The following RSL1D1 variants were observed in gnomAD, a reference collection of about 807,000 sequenced individuals.
RSL1D1 encodes ribosomal L1 domain-containing protein 1.
RSL1D1 carries 34 observed loss-of-function variants against 44.6 expected under a neutral mutation model. The ratio of observed to expected loss-of-function variants is 0.76; its 90% CI spans 0.58 to 1.02. The LOEUF (loss-of-function observed/expected upper bound fraction) is 1.02, where lower values mean the gene tolerates loss of function less well. Among genes scored for constraint, RSL1D1 ranks in the 50% least tolerant of loss-of-function variants. RSL1D1 has a pLI of 0.00. For synonymous variants in RSL1D1, 271 were observed against 207.4 expected, an observed-to-expected ratio of 1.31 and a Z score of -2.63; for missense variants, 767 against 568.1, an observed-to-expected ratio of 1.35 and a Z score of -3.56.
intron 3 of RSL1D1, 134 bp from the exon 4 acceptor site, chr16:11,846,977 G>A: frequency 1.3e-6 from 1 of 758,732 alleles, no homozygotes; most frequent in Non-Finnish European, 2.1e-6. Context: ...GAACACTTGA[G>A]GGCCTAAAAT....
At chr16:11,848,163 T>G (rs753285781) in intron 2 of RSL1D1, among the ~76,000 whole-genome samples, 4 of 151,878 alleles carry the variant, frequency 2.6e-5, no homozygotes, top group Non-Finnish European at 5.9e-5. Flanking sequence ...TGAGGCAGGA[T>G]AATCGCTTCA....
intron 7 of RSL1D1, 89 bp from the exon 8 acceptor site, chr16:11,840,074 T>C (rs2053754719): frequency 5.9e-6 from 9 of 1,531,520 alleles, no homozygotes; most frequent in African/African-American, 1.4e-5. Flanking sequence ...GTTTTGATTA[T>C]CCATAAGCCC....
intron 5 of RSL1D1, among the ~76,000 whole-genome samples, chr16:11,842,393 ATATTT>A (rs2053769390): frequency 6.6e-6 from 1 of 152,172 alleles, no homozygotes; most frequent in Admixed American, 6.6e-5. Context: ...GGTTCTAAAT[ATATTT>A]TATTTCATTT....
At position 11,834,515 on chromosome 16, in the gene RSL1D1, T is replaced by C. The variant is rs2053703757; in HGVS notation, c.*3272A>G. 1.3e-5 allele frequency: 2 copies of C among 152,210 alleles called. No individual in the cohort carries two copies. Among genetic ancestry groups the C allele is most frequent in the Admixed American group, 1.3e-4 (2 of 15,278 alleles). The allele number at this position is 152,210 out of a possible 1,614,324, so 9.4% of individuals were successfully genotyped here. A position where few individuals can be genotyped will look rare whatever the true frequency, so the allele number is the denominator to read the frequency against. On this transcript the variant is annotated 3_prime_UTR_variant, in exon 9 of 9. Coordinates refer to ENST00000571133, the MANE Select transcript of RSL1D1 (RefSeq NM_015659.3). Reference sequence around the variant, plus strand: ...CAGTGTTGCAAGATCTTGAACTGACTAGATGATAGGATTACAAAAACCACA... The same window carrying C: ...CAGTGTTGCAAGATCTTGAACTGACCAGATGATAGGATTACAAAAACCACA...
In RSL1D1 at chr16:11,834,723, T is replaced by C. The variant is rs770301186; in HGVS notation, c.*3064A>G. 6.6e-6 allele frequency: 1 copy of C among 152,236 alleles called. No homozygotes were observed. Among genetic ancestry groups the C allele is most frequent in the Non-Finnish European group, 1.5e-5 (1 of 68,038 alleles). The allele number at this position is 152,236 out of a possible 1,614,324, so 9.4% of individuals were successfully genotyped here. A position where few individuals can be genotyped will look rare whatever the true frequency, so the allele number is the denominator to read the frequency against. On this transcript the variant is annotated 3_prime_UTR_variant, in exon 9 of 9. Transcript: ENST00000571133. ...CCCCCACATTTTAGATGTATATTCA[T>C]TTATAGAAGCCCAAAAGGACAGTGG...
At chr16:11,847,830 C>T (rs539251301) in intron 2 of RSL1D1, 24 bp from the exon 3 acceptor site, 12 of 1,608,280 alleles carry the variant, frequency 7.5e-6, no homozygotes, top group South Asian at 6.7e-5. Flanking sequence ...GAAAAGAAAC[C>T]GAGGAAAGCA....
chr16:11,847,841 T>G, intron 2 of RSL1D1, 35 bp from the exon 3 acceptor site: 1 of 1,601,420 alleles, frequency 6.2e-7, no homozygotes, highest in Admixed American at 1.7e-5. Flanking sequence ...GAGGAAAGCA[T>G]TATTACACAC....
At chr16:11,843,230 C>T (rs1200797014) in intron 5 of RSL1D1, among the ~76,000 whole-genome samples, 2 of 151,636 alleles carry the variant, frequency 1.3e-5, no homozygotes, top group Admixed American at 6.6e-5. Flanking sequence ...CCACTGCGCC[C>T]GGCCTAATTT....
chr16:11,846,267 C>T (rs1329753830), intron 5 of RSL1D1, among the ~76,000 whole-genome samples: 4 of 150,910 alleles, frequency 2.7e-5, no homozygotes, highest in African/African-American at 7.3e-5. Context: ...TGGTGGCAGG[C>T]GCCTGTAGTC....
chr16:11,843,078 C>G (rs1027465487), intron 5 of RSL1D1, among the ~76,000 whole-genome samples: 2 of 151,320 alleles, frequency 1.3e-5, no homozygotes, highest in Admixed American at 1.3e-4. Context: ...TGCGCCACCA[C>G]GCCCGGCTAA....
At chr16:11,840,069 G>C (rs1387088377) in intron 7 of RSL1D1, 84 bp from the exon 8 acceptor site, 2 of 1,538,924 alleles carry the variant, frequency 1.3e-6, no homozygotes, top group Non-Finnish European at 1.7e-6. Flanking sequence ...GTGCAGTTTT[G>C]ATTATCCATA....
At chr16:11,840,035 T>G (rs768685933) in intron 7 of RSL1D1, 50 bp from the exon 8 acceptor site, 1 of 1,586,248 alleles carries the variant, frequency 6.3e-7, no homozygotes, top group Non-Finnish European at 8.5e-7. Flanking sequence ...TTCTGTTGGT[T>G]AACAAACGGC....
At chr16:11,844,183 G>A (rs1308815937) in intron 5 of RSL1D1, among the ~76,000 whole-genome samples, 1 of 152,182 alleles carries the variant, frequency 6.6e-6, no homozygotes, top group Non-Finnish European at 1.5e-5. Context: ...CATCCCAGAT[G>A]GAAAGATGGT....
Position 11,850,322 on chromosome 16 carries a change from C to A in RSL1D1, c.202G>T (p.Val68Leu), listed in dbSNP as rs559686696. The A allele has an allele frequency of 1.1e-5, 18 of 1,595,470 alleles. No individual in the cohort carries two copies. In the South Asian group the frequency reaches 1.9e-4, roughly 16 times the overall value. The change falls in exon 2 of 9, where the codon GTG (valine) becomes TTG (leucine). Residue 68 changes from valine to leucine, a missense_variant. By Grantham distance (32) the Val-to-Leu change is conservative. Transcript: ENST00000571133. ...LNENESLFLMVVLWKIPSKEL... is the reference protein window; with the variant it reads ...LNENESLFLMLVLWKIPSKEL... ...TTACTTGGAATTTTCCATAATACCA[C>A]CATTAAAAATAAACTTTCATTCTCA...
rs761406644 is a variant in RSL1D1 at position 11,841,773 on chromosome 16, A to G, written c.777T>C (p.Ala259=). 4.3e-6 allele frequency: 7 copies of G among 1,614,026 alleles called. No individual in the cohort carries two copies. Among genetic ancestry groups the G allele is most frequent in the South Asian group, 2.2e-5 (2 of 91,064 alleles). ...KLLFVKTEKS[A]ALPIFSSFVS... is the part of the protein sequence containing the mutation. ...CAAACGAGGAAAAGATGGGAAGTGC[A>G]GCCGATTTCTCAGTTTTCACAAACA... Residue 259 remains alanine (A), a synonymous_variant, in exon 7 of 9, where the codon GCT becomes GCC. Transcript: ENST00000571133.
chr16:11,840,740 G>A (rs1404158872), intron 7 of RSL1D1, among the ~76,000 whole-genome samples: 1 of 152,164 alleles, frequency 6.6e-6, no homozygotes, highest in Non-Finnish European at 1.5e-5. Context: ...AGGTATCTGT[G>A]AGCATAACCT....
chr16:11,849,766 T>C (rs772542152), intron 2 of RSL1D1, among the ~76,000 whole-genome samples: 1 of 152,242 alleles, frequency 6.6e-6, no homozygotes, highest in Non-Finnish European at 1.5e-5. Context: ...CCTGATTACG[T>C]TAGCTGTCCA....
At chr16:11,843,393 T>G (rs549581683) in intron 5 of RSL1D1, among the ~76,000 whole-genome samples, 2 of 151,758 alleles carry the variant, frequency 1.3e-5, no homozygotes, top group Admixed American at 6.6e-5. Flanking sequence ...AAAGAGCTGG[T>G]AGCACCTGAC....
At chr16:11,842,841 C>T (rs981155484) in intron 5 of RSL1D1, among the ~76,000 whole-genome samples, 9 of 151,546 alleles carry the variant, frequency 5.9e-5, no homozygotes, top group East Asian at 1.9e-4. Flanking sequence ...CTGCAACCTT[C>T]GCCTCCTGGG....
Sources: allele counts gnomAD v4.1 joint callset (sites outside exome capture counted in the v4.1 genomes callset), GRCh38; gene constraint gnomAD v4.1.1; transcripts MANE v1.5; gene names NCBI Gene and HGNC (gene_info 2026-07-23, HGNC 2026-07-21).